The following RBMS1 variants were observed in gnomAD, a reference collection of about 807,000 sequenced individuals.
RBMS1 encodes the protein RNA binding motif single stranded interacting protein 1.
In RBMS1, 17 loss-of-function variants were observed where a neutral mutation model predicts 62.3. That is an observed-to-expected ratio of 0.27 (90% CI 0.19 to 0.41). The LOEUF (loss-of-function observed/expected upper bound fraction) is 0.41, where lower values mean the gene tolerates loss of function less well. Among genes scored for constraint, RBMS1 ranks in the 10% least tolerant of loss-of-function variants. The pLI, the probability that RBMS1 is intolerant of heterozygous loss-of-function variation, is 1.00. For missense variants in RBMS1, 334 were observed against 504.5 expected (o/e 0.66, Z 3.24); for synonymous variants, 172 against 170.0 (o/e 1.01, Z -0.09).
At chr2:160,393,797 A>G (rs1190583152) in intron 1 of RBMS1, among the ~76,000 whole-genome samples, 5 of 151,964 alleles carry the variant, frequency 3.3e-5, no homozygotes, top group African/African-American at 1.2e-4. Flanking sequence ...AAAGAAAAGA[A>G]AACAAGAAAA....
chr2:160,360,759 T>A (rs1693084076), intron 2 of RBMS1, among the ~76,000 whole-genome samples: 1 of 152,178 alleles, frequency 6.6e-6, no homozygotes, highest in African/African-American at 2.4e-5. Flanking sequence ...GCTACCCCAA[T>A]TCCTTCACAT....
chr2:160,310,557 G>GA lies in RBMS1; in HGVS notation c.402+2598dup, dbSNP rs919331294. On this transcript the variant is annotated intron_variant, in intron 4 of 13. Coordinates refer to ENST00000348849, the MANE Select transcript of RBMS1 (RefSeq NM_016836.4). ...CATATCAACCAGAAACACCTGAAAC[G>GA]AAAGAAGCTTGGGGAACTTCTTGAA... 7.2e-5 allele frequency among the ~76,000 whole-genome samples: 11 copies of GA among 152,296 alleles called. 1 individual carries two copies. Among genetic ancestry groups the GA allele is most frequent in the Admixed American group, 5.9e-4 (9 of 15,296 alleles).
intron 1 of RBMS1, among the ~76,000 whole-genome samples, chr2:160,482,144 C>T (rs138800078): frequency 6.6e-6 from 1 of 152,212 alleles, no homozygotes; most frequent in East Asian, 1.9e-4. Flanking sequence ...AAAGAACCAA[C>T]TGCACACATA....
intron 1 of RBMS1, among the ~76,000 whole-genome samples, chr2:160,440,837 G>A (rs568818313): frequency 6.6e-6 from 1 of 152,284 alleles, no homozygotes; most frequent in East Asian, 1.9e-4. Context: ...TTATTCATCA[G>A]TGTGTAATCA....
chr2:160,339,218 CCCTTTTT>C (rs1691735597), intron 2 of RBMS1, among the ~76,000 whole-genome samples: 1 of 152,148 alleles, frequency 6.6e-6, no homozygotes, highest in African/African-American at 2.4e-5. Flanking sequence ...GTTACATTTT[CCCTTTTT>C]CCTTTACCTG....
At chr2:160,297,527 A>C (rs1489110665) in intron 6 of RBMS1, among the ~76,000 whole-genome samples, 1 of 152,230 alleles carries the variant, frequency 6.6e-6, no homozygotes, top group East Asian at 1.9e-4. Context: ...TACAGTTTCT[A>C]CTTTCAAGGA....
At chr2:160,471,796 A>G (rs1485361571) in intron 1 of RBMS1, among the ~76,000 whole-genome samples, 1 of 149,730 alleles carries the variant, frequency 6.7e-6, no homozygotes, top group East Asian at 2.0e-4. Flanking sequence ...TCTAAGAGAA[A>G]GTAAAGGACA....
At chr2:160,311,224 C>CTATATATATATA (rs1553505400) in intron 4 of RBMS1, among the ~76,000 whole-genome samples, 24 of 56,584 alleles carry the variant, frequency 4.2e-4, no homozygotes, top group African/African-American at 1.4e-3. Context: ...ATCTATCTAT[C>CTATATATATATA]TATCTATCTA....
intron 2 of RBMS1, among the ~76,000 whole-genome samples, chr2:160,326,160 A>C (rs1228870644): frequency 6.6e-6 from 1 of 152,194 alleles, no homozygotes; most frequent in African/African-American, 2.4e-5. Flanking sequence ...CAGGCGCTGA[A>C]GGTGAAGGGA....
chr2:160,285,968 G>A (rs746627331), intron 7 of RBMS1, among the ~76,000 whole-genome samples: 12 of 151,820 alleles, frequency 7.9e-5, no homozygotes, highest in South Asian at 2.1e-4. Flanking sequence ...AAAATTAGCC[G>A]CGCATGGTGG....
chr2:160,310,841 G>A (rs898468346), intron 4 of RBMS1, among the ~76,000 whole-genome samples: 3 of 151,928 alleles, frequency 2.0e-5, no homozygotes, highest in Non-Finnish European at 4.4e-5. Flanking sequence ...CATAATCACC[G>A]TCTTTCAATA....
At chr2:160,397,444 C>T (rs1049722453) in intron 1 of RBMS1, among the ~76,000 whole-genome samples, 6 of 152,034 alleles carry the variant, frequency 3.9e-5, no homozygotes, top group African/African-American at 1.4e-4. Flanking sequence ...AAGACTAATC[C>T]TGCCTCAACC....
intron 1 of RBMS1, among the ~76,000 whole-genome samples, chr2:160,474,639 TAAAC>T (rs879854541): frequency 2.0e-5 from 3 of 152,174 alleles, no homozygotes; most frequent in Non-Finnish European, 4.4e-5. Context: ...TTTACCACAA[TAAAC>T]AAAACAAAAC....
In RBMS1 at chr2:160,462,916, TTAGA is replaced by T. The variant is rs534772596; in HGVS notation, c.75+30369_75+30372del. ...TGGCCAGCCAAAATCATTTCTAAAC[TTAGA>T]TAGACATTTCAGTTAAAGAATGAAA... On this transcript the variant is annotated intron_variant, in intron 1 of 13. Transcript: ENST00000348849. Among the ~76,000 whole-genome samples the T allele has an allele frequency of 5.2e-3, 796 of 152,194 alleles. 5 individuals carry two copies. Among genetic ancestry groups the T allele is most frequent in the African/African-American group, 0.018 (755 of 41,540 alleles).
intron 1 of RBMS1, chr2:160,407,949 G>C (rs1230156012): frequency 4.7e-5 from 46 of 978,268 alleles, no homozygotes; most frequent in Non-Finnish European, 5.4e-5. Context: ...GCACCGCCTC[G>C]CGCCGCGCCC....
intron 1 of RBMS1, among the ~76,000 whole-genome samples, chr2:160,434,033 C>T (rs1211395572): frequency 1.3e-5 from 2 of 152,178 alleles, no homozygotes; most frequent in Non-Finnish European, 2.9e-5. Context: ...TTTTAATTGG[C>T]ATATCAAGAT....
chr2:160,303,479 T>C lies in RBMS1; in HGVS notation c.411A>G (p.Glu137=), dbSNP rs1689324271. 3.1e-6 allele frequency: 5 copies of C among 1,607,540 alleles called. No homozygotes were observed. The highest frequency in any genetic ancestry group is 4.2e-6 in the Non-Finnish European group (5 of 1,177,676). Residue 137 remains glutamate (E), a synonymous_variant, in exon 5 of 14, where the codon GAA becomes GAG. Transcript: ENST00000348849. ...AAATGTAGAGGTTGGTAGGATCTTG[T>C]TCCTGTTGCTAAAACAGAAGAGAGT... ...GVQAQMAKQQ[E]QDPTNLYISN...
At chr2:160,483,228 T>C (rs921660213) in intron 1 of RBMS1, among the ~76,000 whole-genome samples, 1 of 152,156 alleles carries the variant, frequency 6.6e-6, no homozygotes, top group African/African-American at 2.4e-5. Context: ...ATTTTTTAGG[T>C]AAAGAATAAT....
intron 1 of RBMS1, among the ~76,000 whole-genome samples, chr2:160,411,630 T>C (rs1160235117): frequency 6.6e-6 from 1 of 152,234 alleles, no homozygotes; most frequent in African/African-American, 2.4e-5. Flanking sequence ...ACTTGTGCTC[T>C]GGGCAAGTTT....
Sources: gnomAD v4.1 joint callset for allele counts (sites outside exome capture counted in the v4.1 genomes callset) on GRCh38, gnomAD v4.1.1 for gene constraint, MANE v1.5 for transcripts, NCBI Gene and HGNC (gene_info 2026-07-23, HGNC 2026-07-21) for gene names.